FANCE: variants seen among roughly 807,000 people sequenced by gnomAD.
FANCE encodes the protein FA complementation group E.
In FANCE, 42 loss-of-function variants were observed where a neutral mutation model predicts 57.8. The observed-to-expected ratio is 0.73, with a 90% CI of 0.57 to 0.94. FANCE has a LOEUF of 0.94. FANCE is among the 40% of genes least tolerant of loss of function. The pLI is 0.00. For synonymous variants in FANCE, 251 were observed against 286.4 expected, an observed-to-expected ratio of 0.88 and a Z score of 1.25; for missense variants, 608 against 661.8, an observed-to-expected ratio of 0.92 and a Z score of 0.89.
At position 35,455,662 on chromosome 6, in the gene FANCE, G is replaced by T. The variant is rs557454507; in HGVS notation, c.249-85G>T. 23 of 1,544,664 alleles carry T rather than the reference G, an allele frequency of 1.5e-5. No homozygotes were observed. The South Asian group carries it at 1.9e-4, about 13-fold the overall frequency. On this transcript the variant is annotated intron_variant, in intron 1 of 9. Transcript: ENST00000229769. ...GCGTGCCAGCCCCCATCTGTCCACCGCCATCTAGCCCCCAGCTCTGCCCAG... is the reference window on the plus strand; with the variant it reads ...GCGTGCCAGCCCCCATCTGTCCACCTCCATCTAGCCCCCAGCTCTGCCCAG...
At chr6:35,464,287 A>G (rs1302667162) in intron 9 of FANCE, among the ~76,000 whole-genome samples, 20 of 122,452 alleles carry the variant, frequency 1.6e-4, no homozygotes, top group Middle Eastern at 8.9e-3. Context: ...TGCCCAGGCT[A>G]GAGTGCAGTG....
Position 35,452,650 on chromosome 6 carries a change from G to A in FANCE, c.105G>A (p.Ala35=). 5 of 1,245,286 alleles carry A rather than the reference G, an allele frequency of 4.0e-6. No homozygotes were observed. Among genetic ancestry groups the A allele is most frequent in the Non-Finnish European group, 5.0e-6 (5 of 998,016 alleles). 77.1% of individuals were successfully genotyped at this position (1,245,286 alleles called of 1,614,324 possible). A position where few individuals can be genotyped will look rare whatever the true frequency, so the allele number is the denominator to read the frequency against. Residue 35 remains alanine, a synonymous_variant, in exon 1 of 10, where the codon GCG becomes GCA. Transcript: ENST00000229769. ...GCCTCCTGCTGCAGGCGCTGCAGGC[G>A]GGGCCTGAGGGGGCGCGGCGCGGCC... is the stretch of plus-strand genomic sequence containing the variant. The part of the protein sequence containing the change: ...PARLLLQALQ[A]GPEGARRGLG...
intron 9 of FANCE, among the ~76,000 whole-genome samples, chr6:35,464,655 A>C (rs1767736551): frequency 6.6e-6 from 1 of 151,524 alleles, no homozygotes; most frequent in African/African-American, 2.4e-5. Context: ...ACCCAGCCTC[A>C]GGCGTGGCTC....
At position 35,452,365 on chromosome 6, in the gene FANCE, G is replaced by C; in HGVS notation, c.-181G>C. On this transcript the variant is annotated 5_prime_UTR_variant, in exon 1 of 10. Transcript: ENST00000229769. ...TTCCCTTTCCGACAGCGCGGGAACG[G>C]CTGCGGCTTCGGGCGGCCGGGTTTC... The C allele has an allele frequency of 3.4e-6, 2 of 593,984 alleles. No individual in the cohort carries two copies. Among genetic ancestry groups the C allele is most frequent in the Non-Finnish European group, 4.8e-6 (2 of 417,896 alleles). The allele number at this position is 593,984 out of a possible 1,614,324, so 36.8% of individuals were successfully genotyped here. A position where few individuals can be genotyped will look rare whatever the true frequency, so the allele number is the denominator to read the frequency against.
Position 35,466,888 on chromosome 6 carries a change from C to A in FANCE, c.*543C>A, listed in dbSNP as rs948957380. 6.3e-5 allele frequency: 15 copies of A among 237,584 alleles called. No homozygotes were observed. The highest frequency in any genetic ancestry group is 2.5e-4 in the African/African-American group (11 of 44,452). The allele number at this position is 237,584 out of a possible 1,614,324, so 14.7% of individuals were successfully genotyped here. On this transcript the variant is annotated 3_prime_UTR_variant, in exon 10 of 10. Coordinates refer to ENST00000229769, the MANE Select transcript of FANCE (RefSeq NM_021922.3). Reference sequence around the variant, plus strand: ...TTCCAAAGGCTGCTGGCCCCAGGCACACTCCTCATCAATTCTCAGGCTGCA... The same window carrying A: ...TTCCAAAGGCTGCTGGCCCCAGGCAAACTCCTCATCAATTCTCAGGCTGCA...
At chr6:35,462,030 G>A (rs141412298) in intron 8 of FANCE, among the ~76,000 whole-genome samples, 85 of 152,166 alleles carry the variant, frequency 5.6e-4, no homozygotes, top group African/African-American at 2.0e-3. Context: ...TATAAGACTG[G>A]AGTGAGGTTT....
At chr6:35,459,523 G>A in intron 6 of FANCE, 69 bp downstream of exon 6, 1 of 1,611,726 alleles carries the variant, frequency 6.2e-7, no homozygotes, top group East Asian at 2.2e-5. Context: ...TCACCCCAGA[G>A]TGGCCCTGGC....
chr6:35,464,928 G>GT (rs1767767396), intron 9 of FANCE, among the ~76,000 whole-genome samples: 1 of 150,206 alleles, frequency 6.7e-6, no homozygotes. Flanking sequence ...TAGAGACGGG[G>GT]TTTCACTGTG....
At chr6:35,466,159 C>G in intron 9 of FANCE, 85 bp from the exon 10 acceptor site, 1 of 857,064 alleles carries the variant, frequency 1.2e-6, no homozygotes, top group Non-Finnish European at 2.0e-6. Context: ...CTGGCCTCCT[C>G]TCTCCTCAAT....
chr6:35,458,954 T>C (rs1767473490), intron 5 of FANCE, among the ~76,000 whole-genome samples: 2 of 152,116 alleles, frequency 1.3e-5, no homozygotes, highest in Admixed American at 1.3e-4. Flanking sequence ...CTAATTTTTG[T>C]ATTTTTAGTA....
At chr6:35,457,037 A>C (rs1472011238) in intron 2 of FANCE, among the ~76,000 whole-genome samples, 3 of 152,134 alleles carry the variant, frequency 2.0e-5, no homozygotes, top group African/African-American at 7.2e-5. Context: ...TTGGATGCAG[A>C]AGACAATTCT....
At chr6:35,457,856 G>A in intron 3 of FANCE, 60 bp from the exon 4 acceptor site, 1 of 1,452,046 alleles carries the variant, frequency 6.9e-7, no homozygotes, top group Admixed American at 1.7e-5. Context: ...CTGAAGGGGT[G>A]GCTTCAGTGA....
chr6:35,460,122 G>C (rs900077471), intron 7 of FANCE, among the ~76,000 whole-genome samples: 42 of 121,400 alleles, frequency 3.5e-4, no homozygotes, highest in African/African-American at 1.3e-3. Context: ...TTTTGGCGGG[G>C]GGTGGGGGGT....
At chr6:35,458,528 T>A in intron 5 of FANCE, 88 bp downstream of exon 5, 1 of 1,515,094 alleles carries the variant, frequency 6.6e-7, no homozygotes, top group Non-Finnish European at 9.1e-7. Flanking sequence ...AGAGAGGGGA[T>A]TCCCAGCCTT....
chr6:35,465,061 A>G (rs988031781), intron 9 of FANCE, among the ~76,000 whole-genome samples: 2 of 151,890 alleles, frequency 1.3e-5, no homozygotes, highest in Non-Finnish European at 2.9e-5. Flanking sequence ...ATTCCGTTTC[A>G]TAGATCAGAA....
chr6:35,462,344 C>T (rs113259890), intron 8 of FANCE, among the ~76,000 whole-genome samples: 2 of 150,754 alleles, frequency 1.3e-5, no homozygotes, highest in African/African-American at 4.9e-5. Flanking sequence ...TGACCTCAGG[C>T]GATCCACCCG....
intron 6 of FANCE, 48 bp downstream of exon 6, chr6:35,459,502 C>G (rs773103412): frequency 6.2e-7 from 1 of 1,613,214 alleles, no homozygotes; most frequent in Non-Finnish European, 8.5e-7. Context: ...CCTCAGTGTT[C>G]TCAGCATCCT....
intron 9 of FANCE, among the ~76,000 whole-genome samples, chr6:35,464,248 T>C (rs2150903389): frequency 6.9e-6 from 1 of 145,052 alleles, no homozygotes; most frequent in Non-Finnish European, 1.5e-5. Context: ...TTTTTTTTTT[T>C]TTTTTTTTGA....
rs960175667 is a variant in FANCE at position 35,456,551 on chromosome 6, G to C, written c.855+198G>C. On this transcript the variant is annotated intron_variant, in intron 2 of 9. Coordinates refer to ENST00000229769, the MANE Select transcript of FANCE (RefSeq NM_021922.3). The surrounding 1 kb of genome is among the most constrained non-coding windows in gnomAD (Gnocchi z 4.3). Reference sequence around the variant, plus strand: ...TTTTTTGAGATGGAGTTTTGCTCTTGTTGCCCAGGCTGGAGTTCAATGGCA... The same window carrying C: ...TTTTTTGAGATGGAGTTTTGCTCTTCTTGCCCAGGCTGGAGTTCAATGGCA... Among the ~76,000 whole-genome samples the C allele has an allele frequency of 1.3e-5, 2 of 151,140 alleles. No homozygotes were observed. Among genetic ancestry groups the C allele is most frequent in the Admixed American group, 1.3e-4 (2 of 15,166 alleles).
Sources: gnomAD v4.1 joint callset for allele counts (sites outside exome capture counted in the v4.1 genomes callset) on GRCh38, gnomAD v4.1.1 for gene constraint, Gnocchi (gnomAD v3.1) non-coding constraint, MANE v1.5 for transcripts, NCBI Gene and HGNC (gene_info 2026-07-23, HGNC 2026-07-21) for gene names.